THSD4: variants seen among roughly 807,000 people sequenced by gnomAD.
The protein encoded by THSD4 is thrombospondin type-1 domain-containing protein 4.
In THSD4, 69 loss-of-function variants were observed where a neutral mutation model predicts 119.0. The ratio of observed to expected loss-of-function variants is 0.58; its 90% CI spans 0.48 to 0.71. THSD4 has a LOEUF of 0.71. Ranked by LOEUF, THSD4 falls within the 30% of genes least tolerant of loss-of-function variation. The pLI is 0.00. For missense variants in THSD4, 1,393 were observed against 1,391.1 expected (o/e 1.00, Z -0.02); for synonymous variants, 524 against 540.4 (o/e 0.97, Z 0.42).
intron 7 of THSD4, among the ~76,000 whole-genome samples, chr15:71,454,300 G>C (rs1006221588): frequency 1.3e-5 from 2 of 152,110 alleles, no homozygotes; most frequent in Admixed American, 6.5e-5. Context: ...TTCCTCTCTT[G>C]CACCTCTAGG....
chr15:71,137,601 CA>C (rs897931442), intron 1 of THSD4, among the ~76,000 whole-genome samples: 2 of 152,166 alleles, frequency 1.3e-5, no homozygotes, highest in Admixed American at 6.5e-5. Flanking sequence ...ATGGCAGACT[CA>C]TGAGTGGTGA....
At chr15:71,680,817 G>A (rs1002837745) in intron 8 of THSD4, among the ~76,000 whole-genome samples, 1 of 152,064 alleles carries the variant, frequency 6.6e-6, no homozygotes, top group Non-Finnish European at 1.5e-5. Flanking sequence ...ATCTCATAGG[G>A]TTATTGGGAA....
At chr15:71,200,002 T>C (rs187757052) in intron 3 of THSD4, among the ~76,000 whole-genome samples, 20 of 148,876 alleles carry the variant, frequency 1.3e-4, no homozygotes, top group Admixed American at 4.8e-4. Context: ...TGAGAACTGT[T>C]GTTCTAGAAG....
intron 6 of THSD4, among the ~76,000 whole-genome samples, chr15:71,357,023 G>A (rs570810680): frequency 1.3e-5 from 2 of 152,310 alleles, no homozygotes; most frequent in South Asian, 2.1e-4. Flanking sequence ...GGTAAGAAGA[G>A]CATATCAATG....
At chr15:71,158,655 T>G (rs2043224527) in intron 3 of THSD4, among the ~76,000 whole-genome samples, 1 of 151,982 alleles carries the variant, frequency 6.6e-6, no homozygotes, top group Non-Finnish European at 1.5e-5. Context: ...TGAGTTGGTT[T>G]TTTTTTTTTG....
intron 7 of THSD4, among the ~76,000 whole-genome samples, chr15:71,516,694 A>G (rs898410569): frequency 6.6e-6 from 1 of 152,186 alleles, no homozygotes; most frequent in South Asian, 2.1e-4. Flanking sequence ...TTTTCAGACA[A>G]ATTACAATTT....
chr15:71,754,642 T>C (rs1246624601), intron 14 of THSD4, among the ~76,000 whole-genome samples: 1 of 152,124 alleles, frequency 6.6e-6, no homozygotes, highest in East Asian at 1.9e-4. Flanking sequence ...ACATGAAAAA[T>C]GTCTGCAAAC....
intron 1 of THSD4, among the ~76,000 whole-genome samples, chr15:71,109,096 T>C (rs2040286718): frequency 6.6e-6 from 1 of 152,186 alleles, no homozygotes; most frequent in East Asian, 1.9e-4. Context: ...AAAGATGAAC[T>C]TAGGAAGAAG....
At position 71,214,146 on chromosome 15, in the gene THSD4, AATCAGCACTCTGTAAAATGGACCG is replaced by A. The variant is rs540763445; in HGVS notation, c.100-865_100-842del. ...ATAGCTAGAGGATTGTATATGCACC[AATCAGCACTCTGTAAAATGGACCG>A]ATCAGCACTCTGTAAAATGGACCAA... On this transcript the variant is annotated intron_variant, in intron 3 of 17. Transcript: ENST00000261862. 6.3e-3 allele frequency among the ~76,000 whole-genome samples: 962 copies of A among 152,246 alleles called. 3 individuals are homozygous for A. Among genetic ancestry groups the A allele is most frequent in the Non-Finnish European group, 9.6e-3 (652 of 68,014 alleles).
chr15:71,101,447 G>C (rs961744022), intron 1 of THSD4, among the ~76,000 whole-genome samples: 2 of 152,080 alleles, frequency 1.3e-5, no homozygotes, highest in African/African-American at 4.8e-5. Flanking sequence ...GTTACAATTT[G>C]TGCTTTCACA....
chr15:71,345,720 T>C (rs979417601), intron 6 of THSD4, among the ~76,000 whole-genome samples: 3 of 152,034 alleles, frequency 2.0e-5, no homozygotes, highest in Non-Finnish European at 4.4e-5. Context: ...GAGAAGAACA[T>C]CTTTCTAAGA....
At chr15:71,163,264 T>A (rs939188691) in intron 3 of THSD4, among the ~76,000 whole-genome samples, 5 of 151,718 alleles carry the variant, frequency 3.3e-5, no homozygotes, top group East Asian at 1.9e-4. Context: ...TTTTTTTTTT[T>A]AAACCTCTGC....
chr15:71,344,790 G>T (rs2140395715), intron 6 of THSD4, among the ~76,000 whole-genome samples: 1 of 152,270 alleles, frequency 6.6e-6, no homozygotes, highest in South Asian at 2.1e-4. Flanking sequence ...GATGTACAAG[G>T]TCTACTCAAC....
chr15:71,375,315 C>A (rs1460778489), intron 6 of THSD4, among the ~76,000 whole-genome samples: 1 of 152,192 alleles, frequency 6.6e-6, no homozygotes, highest in African/African-American at 2.4e-5. Context: ...CTGACAACTT[C>A]TCTCCATCTT....
intron 4 of THSD4, among the ~76,000 whole-genome samples, chr15:71,216,375 T>A (rs1362100397): frequency 6.6e-6 from 1 of 152,234 alleles, no homozygotes; most frequent in Non-Finnish European, 1.5e-5. Flanking sequence ...GGCCACCCTT[T>A]GCCACGGTGG....
intron 7 of THSD4, among the ~76,000 whole-genome samples, chr15:71,642,869 G>T (rs964266656): frequency 2.0e-5 from 3 of 152,058 alleles, no homozygotes; most frequent in Non-Finnish European, 4.4e-5. Flanking sequence ...GTTAATGGGT[G>T]CAGCACACCA....
intron 3 of THSD4, among the ~76,000 whole-genome samples, chr15:71,203,234 A>T (rs2043817586): frequency 6.6e-6 from 1 of 152,174 alleles, no homozygotes; most frequent in Non-Finnish European, 1.5e-5. Context: ...AGGAAGGCTG[A>T]GGCCAGATGG....
intron 1 of THSD4, among the ~76,000 whole-genome samples, chr15:71,139,868 G>T (rs1460815563): frequency 5.9e-5 from 9 of 152,186 alleles, no homozygotes; most frequent in Admixed American, 5.9e-4. Context: ...TGCTTCATTT[G>T]TCTTTCCCTT....
intron 7 of THSD4, among the ~76,000 whole-genome samples, chr15:71,655,495 G>A (rs1354238066): frequency 1.3e-5 from 2 of 152,168 alleles, no homozygotes; most frequent in Non-Finnish European, 2.9e-5. Flanking sequence ...ATAGACTTCA[G>A]ACAAAATAAA....
Sources: gnomAD v4.1 joint callset for allele counts (sites outside exome capture counted in the v4.1 genomes callset) on GRCh38, gnomAD v4.1.1 for gene constraint, MANE v1.5 for transcripts, NCBI Gene and HGNC (gene_info 2026-07-23, HGNC 2026-07-21) for gene names.